The following KIAA1586 variants were observed in gnomAD, a reference collection of about 807,000 sequenced individuals.
The protein encoded by KIAA1586 is E3 SUMO-protein ligase KIAA1586.
In KIAA1586, 5 loss-of-function variants were observed where a neutral mutation model predicts 6.1. The observed-to-expected ratio is 0.82, with a 90% CI of 0.43 to 1.73. KIAA1586 has a LOEUF of 1.73. Ranked by LOEUF, KIAA1586 falls within the 40% of genes most tolerant of loss-of-function variation. The probability of loss-of-function intolerance (pLI) is 0.02; values close to 1 mark genes in which losing one functional copy is unlikely to be tolerated. For missense variants in KIAA1586, 899 were observed against 878.2 expected (o/e 1.02, Z -0.30); for synonymous variants, 280 against 301.7 (o/e 0.93, Z 0.75).
At position 57,051,930 on chromosome 6, in the gene KIAA1586, C is replaced by T. The variant is rs548518469; in HGVS notation, c.187-756C>T. ...TGGAGTTTACGGTGAGCTGAGATCG[C>T]GCCACTGCACTCCAGCTTGGGTGAC... On this transcript the variant is annotated intron_variant, in intron 3 of 3. Transcript: ENST00000370733. Among the ~76,000 whole-genome samples the T allele has an allele frequency of 3.9e-5, 6 of 152,176 alleles. No homozygotes were observed. The South Asian group carries it at 6.2e-4, about 16-fold the overall frequency.
In KIAA1586 at chr6:57,055,110, T is replaced by C; in HGVS notation, c.*247T>C. On this transcript the variant is annotated 3_prime_UTR_variant, in exon 4 of 4. Transcript: ENST00000370733. The stretch of plus-strand genomic sequence containing the variant: ...GAAGTTCTGTACAGAACAAACACCG[T>C]TTATAATTTTGTACTGTTTTACTTT... 3.9e-6 allele frequency: 1 copy of C among 257,446 alleles called. No homozygotes were observed. The highest frequency in any genetic ancestry group is 7.2e-5 in the East Asian group (1 of 13,864). 15.9% of individuals were successfully genotyped at this position (257,446 alleles called of 1,614,324 possible). A position where few individuals can be genotyped will look rare whatever the true frequency, so the allele number is the denominator to read the frequency against.
At chr6:57,062,729 A>C in the KIAA1586 span, among the ~76,000 whole-genome samples, 1 of 152,202 alleles carries the variant, frequency 6.6e-6, no homozygotes, top group Non-Finnish European at 1.5e-5. Context: ...AAATGGAAAC[A>C]GATGGTAGTC....
At chr6:57,060,562 A>G in the KIAA1586 span, among the ~76,000 whole-genome samples, 1 of 152,102 alleles carries the variant, frequency 6.6e-6, no homozygotes, top group African/African-American at 2.4e-5. Context: ...CTGGCTCCCC[A>G]CTTTGTTCAG....
downstream of KIAA1586, among the ~76,000 whole-genome samples, chr6:57,058,831 G>A (rs1828530567): frequency 6.6e-6 from 1 of 152,120 alleles, no homozygotes; most frequent in African/African-American, 2.4e-5. Flanking sequence ...ATTAAATTTA[G>A]GGTTGCTTTT....
downstream of KIAA1586, among the ~76,000 whole-genome samples, chr6:57,056,573 G>T (rs1243093083): frequency 6.7e-6 from 1 of 150,360 alleles, no homozygotes; most frequent in Non-Finnish European, 1.5e-5. Context: ...GAGAGGGGAG[G>T]GTCCTGCTAT....
In KIAA1586 at chr6:57,053,416, A is replaced by G. The variant is rs1166660989; in HGVS notation, c.917A>G (p.Asn306Ser). ...AKEMKMKIFK[N>S]IIEENAKICI... The stretch of plus-strand genomic sequence containing the variant: ...GAAATGAAGATGAAGATATTTAAGA[A>G]TATTATAGAAGAGAATGCCAAAATC... The change falls in exon 4 of 4, where the codon AAT (asparagine) becomes AGT (serine). Residue 306 changes from asparagine (N) to serine (S), a missense_variant. Coordinates refer to ENST00000370733, the MANE Select transcript of KIAA1586 (RefSeq NM_020931.4). The G allele has an allele frequency of 1.2e-6, 2 of 1,609,190 alleles. No individual in the cohort carries two copies. Among genetic ancestry groups the G allele is most frequent in the South Asian group, 1.1e-5 (1 of 90,330 alleles).
the KIAA1586 span, among the ~76,000 whole-genome samples, chr6:57,065,695 C>T: frequency 2.6e-5 from 4 of 152,242 alleles, no homozygotes; most frequent in East Asian, 1.9e-4. Context: ...CTACATTGCC[C>T]AGGCTGGTTG....
chr6:57,057,005 G>T (rs918961917), downstream of KIAA1586, among the ~76,000 whole-genome samples: 1 of 151,996 alleles, frequency 6.6e-6, no homozygotes. Flanking sequence ...GAGGCAGGTG[G>T]ATCATGAGGT....
downstream of KIAA1586, among the ~76,000 whole-genome samples, chr6:57,059,573 A>G (rs1828538941): frequency 7.3e-6 from 1 of 137,036 alleles, no homozygotes; most frequent in South Asian, 2.5e-4. Context: ...CCTGGGCGAG[A>G]GCGAGACTCT....
At position 57,052,797 on chromosome 6, in the gene KIAA1586, T is replaced by C; in HGVS notation, c.298T>C (p.Leu100=). The C allele has an allele frequency of 6.2e-7, 1 of 1,612,806 alleles. No individual in the cohort carries two copies. Among genetic ancestry groups the C allele is most frequent in the South Asian group, 1.1e-5 (1 of 90,808 alleles). ...TGAAGTGAGCAAAAATCACTGCAGA[T>C]TGTCTAAGGCAAAGGAACCACATTT... ...NNEVSKNHCR[L]SKAKEPHFEY... is the part of the protein sequence containing the mutation. The change falls in exon 4 of 4, where the codon TTG becomes CTG. Residue 100 remains leucine, a synonymous_variant. Coordinates refer to ENST00000370733, the MANE Select transcript of KIAA1586 (RefSeq NM_020931.4).
chr6:57,059,588 G>GA (rs36057059), downstream of KIAA1586, among the ~76,000 whole-genome samples: 120,457 of 141,686 alleles, frequency 0.85, 51,262 homozygotes, highest in South Asian at 0.95. Flanking sequence ...GACTCTGTCT[G>GA]AAAAAAAAAA....
chr6:57,052,689 C>G lies in KIAA1586; in HGVS notation c.190C>G (p.Leu64Val). The G allele has an allele frequency of 1.3e-6, 2 of 1,544,194 alleles. No individual in the cohort carries two copies. Among genetic ancestry groups the G allele is most frequent in the East Asian group, 2.3e-5 (1 of 44,164 alleles). Residue 64 changes from leucine to valine, a missense_variant, in exon 4 of 4, where the codon CTG (leucine) becomes GTG (valine). Leu to Val is a conservative substitution (Grantham distance 32). Coordinates refer to ENST00000370733, the MANE Select transcript of KIAA1586 (RefSeq NM_020931.4). ...ENPSAYYSDI[L>V]FPKMPKRQGD... ...CATATGTAAAATTATTTTTCAGATT[C>G]TGTTTCCTAAAATGCCAAAACGACA...
In KIAA1586 at chr6:57,054,723, G is replaced by C; in HGVS notation, c.2224G>C (p.Glu742Gln). ...DLMTINLLGK[E>Q]LADWDATPFV... ...AATGACAATAAATTTACTGGGGAAAGAATTAGCAGATTGGGATGCAACACC... is the reference window on the plus strand; with the variant it reads ...AATGACAATAAATTTACTGGGGAAACAATTAGCAGATTGGGATGCAACACC... The change falls in exon 4 of 4, where the codon GAA becomes CAA. Residue 742 changes from glutamate to glutamine, a missense_variant. Glu to Gln is a conservative substitution (Grantham distance 29). Coordinates refer to ENST00000370733, the MANE Select transcript of KIAA1586 (RefSeq NM_020931.4). The C allele has an allele frequency of 1.3e-6, 2 of 1,551,472 alleles. No individual in the cohort carries two copies. Among genetic ancestry groups the C allele is most frequent in the Non-Finnish European group, 1.7e-6 (2 of 1,146,824 alleles).
chr6:57,065,497 T>G, the KIAA1586 span, among the ~76,000 whole-genome samples: 13 of 152,024 alleles, frequency 8.6e-5, no homozygotes, highest in Admixed American at 7.9e-4. Flanking sequence ...TTTTTGTTTT[T>G]TTTTTTTTTG....
At chr6:57,064,473 A>G in the KIAA1586 span, among the ~76,000 whole-genome samples, 1 of 152,224 alleles carries the variant, frequency 6.6e-6, no homozygotes, top group Non-Finnish European at 1.5e-5. Context: ...ATGTATGGTC[A>G]GCATTTTCAT....
chr6:57,049,446 A>T (rs969569011), intron 2 of KIAA1586, among the ~76,000 whole-genome samples: 2 of 152,190 alleles, frequency 1.3e-5, no homozygotes, highest in African/African-American at 2.4e-5. Flanking sequence ...GTCTTTTCAT[A>T]TAAATGTTGA....
downstream of KIAA1586, among the ~76,000 whole-genome samples, chr6:57,058,098 G>A (rs1422314955): frequency 6.6e-6 from 1 of 151,838 alleles, no homozygotes; most frequent in Non-Finnish European, 1.5e-5. Flanking sequence ...CCCATCTCAT[G>A]CAGCTTTTAA....
the KIAA1586 span, among the ~76,000 whole-genome samples, chr6:57,061,638 C>T: frequency 6.6e-6 from 1 of 152,106 alleles, no homozygotes; most frequent in Admixed American, 6.5e-5. Flanking sequence ...GCTCATCCTG[C>T]CTCAGCCTCC....
At chr6:57,059,032 A>G (rs914759286), downstream of KIAA1586, among the ~76,000 whole-genome samples, 1 of 152,226 alleles carries the variant, frequency 6.6e-6, no homozygotes, top group Non-Finnish European at 1.5e-5. Context: ...AATGATAGCT[A>G]TGTTTGGAAC....
Sources: gnomAD v4.1 joint callset for allele counts (sites outside exome capture counted in the v4.1 genomes callset) on GRCh38, gnomAD v4.1.1 for gene constraint, MANE v1.5 for transcripts, NCBI Gene and HGNC (gene_info 2026-07-23, HGNC 2026-07-21) for gene names.